MAML2: variants seen among roughly 807,000 people sequenced by gnomAD.
MAML2 encodes the protein mastermind-like protein 2.
MAML2 carries 22 observed loss-of-function variants against 96.1 expected under a neutral mutation model. The ratio of observed to expected loss-of-function variants is 0.23; its 90% confidence interval spans 0.16 to 0.33. The LOEUF is 0.33. MAML2 is among the 10% of genes least tolerant of loss of function. The pLI is 1.00. For synonymous variants in MAML2, 561 were observed against 521.3 expected, an observed-to-expected ratio of 1.08 and a Z score of -1.04; for missense variants, 1,367 against 1,392.4, an observed-to-expected ratio of 0.98 and a Z score of 0.29.
At chr11:96,072,472 A>G (rs1469319225) in intron 2 of MAML2, among the ~76,000 whole-genome samples, 6 of 152,218 alleles carry the variant, frequency 3.9e-5, no homozygotes, top group Non-Finnish European at 7.3e-5. Context: ...TTACATATAT[A>G]AAAAGGGAAT....
chr11:96,037,188 T>A (rs12418816), intron 2 of MAML2, among the ~76,000 whole-genome samples: 4 of 148,376 alleles, frequency 2.7e-5, no homozygotes, highest in African/African-American at 4.9e-5. Flanking sequence ...AAATAAAAAA[T>A]AAAAAAACAA....
chr11:96,332,581 T>C (rs1421187715), intron 1 of MAML2, among the ~76,000 whole-genome samples: 2 of 152,240 alleles, frequency 1.3e-5, no homozygotes, highest in Non-Finnish European at 2.9e-5. Context: ...CTTTCCTGTT[T>C]ACTCTCATCT....
At chr11:96,233,820 T>C (rs12809026) in intron 1 of MAML2, among the ~76,000 whole-genome samples, 22,080 of 152,162 alleles carry the variant, frequency 0.15, 1,734 homozygotes, top group South Asian at 0.2. Context: ...GTGTAGTTGG[T>C]ATTCAGTGTT....
At chr11:96,096,439 A>G (rs1299418258) in intron 1 of MAML2, among the ~76,000 whole-genome samples, 2 of 152,216 alleles carry the variant, frequency 1.3e-5, no homozygotes, top group East Asian at 3.8e-4. Context: ...TATAAAGTTG[A>G]TATTATTTCT....
chr11:96,240,322 G>A (rs1001257114), intron 1 of MAML2, among the ~76,000 whole-genome samples: 3 of 151,780 alleles, frequency 2.0e-5, no homozygotes, highest in African/African-American at 4.8e-5. Flanking sequence ...AGGCCGAGGC[G>A]GGTGGATCAC....
chr11:96,341,914 T>C lies in MAML2; in HGVS notation c.-19A>G. 2 of 1,496,154 alleles carry C rather than the reference T, an allele frequency of 1.3e-6. No individual in the cohort carries two copies. Among genetic ancestry groups the C allele is most frequent in the Non-Finnish European group, 1.8e-6 (2 of 1,127,358 alleles). 92.7% of individuals were successfully genotyped at this position (1,496,154 alleles called of 1,614,324 possible). On this transcript the variant is annotated 5_prime_UTR_variant, in exon 1 of 5. Coordinates refer to ENST00000524717, the MANE Select transcript of MAML2 (RefSeq NM_032427.4). ...CCCCCATCTTACCGGACACAATGAT[T>C]GCTGCCTCTGGGATGGTGAGGTGGA...
chr11:96,002,139 ATTGCTCAT>A (rs1858087375), intron 2 of MAML2, among the ~76,000 whole-genome samples: 1 of 152,136 alleles, frequency 6.6e-6, no homozygotes, highest in African/African-American at 2.4e-5. Context: ...CTATATCACA[ATTGCTCAT>A]TTGCTTATAC....
At chr11:96,300,340 C>T (rs1452268062) in intron 1 of MAML2, among the ~76,000 whole-genome samples, 1 of 152,030 alleles carries the variant, frequency 6.6e-6, no homozygotes, top group Non-Finnish European at 1.5e-5. Flanking sequence ...GCTGTCAGAG[C>T]CTGGAAGTGA....
chr11:96,229,196 A>G (rs2135953499), intron 1 of MAML2, among the ~76,000 whole-genome samples: 1 of 152,316 alleles, frequency 6.6e-6, no homozygotes, highest in East Asian at 1.9e-4. Flanking sequence ...CAGATAAGTC[A>G]AGAGAGGGGA....
chr11:96,285,657 G>A (rs911197001), intron 1 of MAML2, among the ~76,000 whole-genome samples: 2 of 152,040 alleles, frequency 1.3e-5, no homozygotes, highest in Non-Finnish European at 2.9e-5. Flanking sequence ...TTAAAAAGTA[G>A]GCAAACAACA....
At chr11:96,206,663 T>G (rs1407896971) in intron 1 of MAML2, among the ~76,000 whole-genome samples, 1 of 152,228 alleles carries the variant, frequency 6.6e-6, no homozygotes, top group Non-Finnish European at 1.5e-5. Context: ...CCATTTCATT[T>G]TGTGCTTTTC....
intron 2 of MAML2, among the ~76,000 whole-genome samples, chr11:96,002,682 G>A (rs1858101955): frequency 1.1e-5 from 1 of 93,344 alleles, no homozygotes; most frequent in Non-Finnish European, 2.1e-5. Context: ...ATAATGATGG[G>A]GATGGTGGGG....
chr11:96,299,060 A>AATATATATATATAT (rs1555037073), intron 1 of MAML2, among the ~76,000 whole-genome samples: 37 of 56,314 alleles, frequency 6.6e-4, no homozygotes, highest in African/African-American at 2.1e-3. Flanking sequence ...AAAAAAAAAA[A>AATATATATATATAT]ATATATATAT....
At chr11:96,002,692 G>A (rs539107742) in intron 2 of MAML2, among the ~76,000 whole-genome samples, 1 of 61,262 alleles carries the variant, frequency 1.6e-5, no homozygotes, top group African/African-American at 6.6e-5. Flanking sequence ...GGATGGTGGG[G>A]AGCATGATGG....
chr11:96,286,173 C>T (rs185679686), intron 1 of MAML2, among the ~76,000 whole-genome samples: 4 of 152,206 alleles, frequency 2.6e-5, no homozygotes, highest in East Asian at 3.9e-4. Context: ...TTTCCTTTGC[C>T]GGGACATGGA....
intron 1 of MAML2, among the ~76,000 whole-genome samples, chr11:96,305,319 C>G (rs183468129): frequency 7.2e-5 from 11 of 152,186 alleles, no homozygotes; most frequent in Non-Finnish European, 5.9e-5. Context: ...GAATACAACA[C>G]CAAGAGTGAA....
intron 1 of MAML2, among the ~76,000 whole-genome samples, chr11:96,131,387 C>T (rs1312934393): frequency 6.6e-6 from 1 of 152,082 alleles, no homozygotes; most frequent in Non-Finnish European, 1.5e-5. Context: ...ATAAGATAAA[C>T]AAGGGAAAAC....
At chr11:96,066,434 G>T (rs959835683) in intron 2 of MAML2, among the ~76,000 whole-genome samples, 1 of 152,194 alleles carries the variant, frequency 6.6e-6, no homozygotes, top group Admixed American at 6.5e-5. Context: ...ATGTGTGTGG[G>T]AGAAGGGACA....
At chr11:96,309,599 A>C (rs1185407356) in intron 1 of MAML2, among the ~76,000 whole-genome samples, 2 of 152,186 alleles carry the variant, frequency 1.3e-5, no homozygotes, top group Non-Finnish European at 2.9e-5. Flanking sequence ...TTAGAATTAA[A>C]TAATTTCCCT....
Sources: gnomAD v4.1 joint callset for allele counts (sites outside exome capture counted in the v4.1 genomes callset) on GRCh38, gnomAD v4.1.1 for gene constraint, MANE v1.5 for transcripts, NCBI Gene and HGNC (gene_info 2026-07-23, HGNC 2026-07-21) for gene names.